The following PMEL variants were observed in gnomAD, a reference collection of about 807,000 sequenced individuals.
The protein encoded by PMEL is premelanosome protein.
PMEL carries 53 observed loss-of-function variants against 64.9 expected under a neutral mutation model. The ratio of observed to expected loss-of-function variants is 0.82; its 90% CI spans 0.66 to 1.03. PMEL has a LOEUF of 1.03. PMEL is among the 50% of genes least tolerant of loss of function. The pLI is 0.00. For missense variants in PMEL, 716 were observed against 814.9 expected (o/e 0.88, Z 1.48); for synonymous variants, 299 against 316.2 (o/e 0.95, Z 0.58).
chr12:55,958,933 C>A (rs903510612), intron 3 of PMEL, among the ~76,000 whole-genome samples: 1 of 152,050 alleles, frequency 6.6e-6, no homozygotes, highest in South Asian at 2.1e-4. Flanking sequence ...AGGTATGCAC[C>A]ACCATACCCA....
In PMEL at chr12:55,957,138, G is replaced by A. The variant is rs1888915458; in HGVS notation, c.1165C>T (p.Leu389=). 4 of 1,614,196 alleles carry A rather than the reference G, an allele frequency of 2.5e-6. No individual in the cohort carries two copies. Among genetic ancestry groups the A allele is most frequent in the Non-Finnish European group, 3.4e-6 (4 of 1,180,010 alleles). The part of the protein sequence containing the change: ...VPVSEVMGTT[L]AEMSTPEATG... The stretch of plus-strand genomic sequence containing the variant: ...GCCTCTGGAGTTGACATCTCTGCCA[G>A]TGTGGTACCCATGACCTCTGAAACT... Residue 389 remains leucine (L), a synonymous_variant, in exon 6 of 11, where the codon CTG becomes TTG. Transcript: ENST00000548747.
At chr12:55,956,897 G>A in intron 6 of PMEL, 52 bp downstream of exon 6, 1 of 1,574,108 alleles carries the variant, frequency 6.4e-7, no homozygotes, top group Non-Finnish European at 8.7e-7. Context: ...GACTTACAGA[G>A]TAGAGTAGGG....
chr12:55,960,376 ATTTTCTT>A (rs768647634), intron 3 of PMEL, among the ~76,000 whole-genome samples: 1 of 151,188 alleles, frequency 6.6e-6, no homozygotes, highest in Non-Finnish European at 1.5e-5. Context: ...AGGGACTGTA[ATTTTCTT>A]TTTTCTTTTT....
At chr12:55,959,101 C>T (rs996337916) in intron 3 of PMEL, among the ~76,000 whole-genome samples, 41 of 151,022 alleles carry the variant, frequency 2.7e-4, no homozygotes, top group Admixed American at 9.9e-4. Context: ...TTTAATTGGC[C>T]AGGTGTGGTG....
At chr12:55,965,487 C>T (rs930419174) in intron 1 of PMEL, among the ~76,000 whole-genome samples, 8 of 150,306 alleles carry the variant, frequency 5.3e-5, no homozygotes, top group African/African-American at 1.2e-4. Flanking sequence ...CTGCCTATCT[C>T]TCCAGCCCCA....
At chr12:55,958,689 T>C (rs1326553270) in intron 3 of PMEL, 82 bp from the exon 4 acceptor site, 18 of 1,369,308 alleles carry the variant, frequency 1.3e-5, no homozygotes, top group Non-Finnish European at 1.8e-5. Flanking sequence ...TCCCAGGGTA[T>C]CAGAGAGGGG....
chr12:55,960,388 CT>C (rs1291627898), intron 3 of PMEL, among the ~76,000 whole-genome samples: 2 of 151,546 alleles, frequency 1.3e-5, no homozygotes, highest in African/African-American at 4.8e-5. Context: ...TTTCTTTTTT[CT>C]TTTTGAGACA....
intron 1 of PMEL, among the ~76,000 whole-genome samples, 159 bp from the exon 2 acceptor site, chr12:55,961,891 C>T (rs372815144): frequency 4.9e-4 from 72 of 147,008 alleles, no homozygotes; most frequent in African/African-American, 1.7e-3. Flanking sequence ...GGCTGGAGTG[C>T]AATGGCATGA....
At position 55,955,542 on chromosome 12, in the gene PMEL, A is replaced by G; in HGVS notation, c.1684T>C (p.Ser562Pro). The change falls in exon 9 of 11, where the codon TCG becomes CCG. Residue 562 changes from serine (S) to proline (P), a missense_variant. Transcript: ENST00000548747. Reference sequence around the variant, plus strand: ...GACACATTGAGGCAGTATGTCCCCGAGCCACCCTTCAGTATCTGGTGCAGA... The same window carrying G: ...GACACATTGAGGCAGTATGTCCCCGGGCCACCCTTCAGTATCTGGTGCAGA... ...LVLHQILKGG[S>P]GTYCLNVSLA... 6.2e-7 allele frequency: 1 copy of G among 1,614,120 alleles called. No individual in the cohort carries two copies. Among genetic ancestry groups the G allele is most frequent in the Non-Finnish European group, 8.5e-7 (1 of 1,180,036 alleles).
In PMEL at chr12:55,957,993, A is replaced by C. The variant is rs762573076; in HGVS notation, c.561T>G (p.Thr187=). The change falls in exon 5 of 11, where the codon ACT becomes ACG. Residue 187 remains threonine, a synonymous_variant. Coordinates refer to ENST00000548747, the MANE Select transcript of PMEL (RefSeq NM_001384361.1). The stretch of plus-strand genomic sequence containing the variant: ...TCCGGGATCCCCGGCGATGGTAGAC[A>C]GTCACTTCCATGGTGTGTGTGCCCA... ...AMLGTHTMEV[T]VYHRRGSRSY... The C allele has an allele frequency of 3.1e-6, 5 of 1,614,240 alleles. No homozygotes were observed.
intron 4 of PMEL, 147 bp downstream of exon 4, chr12:55,958,326 G>A: frequency 1.1e-6 from 1 of 882,054 alleles, no homozygotes; most frequent in Non-Finnish European, 1.7e-6. Context: ...GGGGCTAGGT[G>A]CTAAGAAAGA....
chr12:55,957,115 C>T lies in PMEL; in HGVS notation c.1188G>A (p.Glu396=), dbSNP rs1206291067. The T allele has an allele frequency of 2.5e-6, 4 of 1,614,166 alleles. No homozygotes were observed. The highest frequency in any genetic ancestry group is 1.3e-5 in the African/African-American group (1 of 75,022). ...GTTLAEMSTP[E]ATGMTPAEVS... ...CCTCTGCAGGTGTCATACCTGTAGC[C>T]TCTGGAGTTGACATCTCTGCCAGTG... is the stretch of plus-strand genomic sequence containing the variant. The change falls in exon 6 of 11, where the codon GAG becomes GAA. Residue 396 remains glutamate, a synonymous_variant. Coordinates refer to ENST00000548747, the MANE Select transcript of PMEL (RefSeq NM_001384361.1).
intron 1 of PMEL, among the ~76,000 whole-genome samples, chr12:55,964,729 G>A (rs1000476732): frequency 1.3e-4 from 20 of 151,796 alleles, no homozygotes; most frequent in African/African-American, 4.6e-4. Context: ...AGGTTCAAGC[G>A]ATTCTCATGC....
chr12:55,958,030 C>A lies in PMEL; in HGVS notation c.524G>T (p.Gly175Val). 1 of 1,614,192 alleles carries A rather than the reference C, an allele frequency of 6.2e-7. No individual in the cohort carries two copies. The change falls in exon 5 of 11, where the codon GGC becomes GTC. Residue 175 changes from glycine to valine, a missense_variant. Coordinates refer to ENST00000548747, the MANE Select transcript of PMEL (RefSeq NM_001384361.1). The part of the protein sequence containing the change: ...GPVSGLSIGT[G>V]RAMLGTHTME... The stretch of plus-strand genomic sequence containing the variant: ...GGTGTGTGTGCCCAGCATTGCCCTG[C>A]CTGTCCCAATGCTCAGCCCAGACAC...
At position 55,954,156 on chromosome 12, in the gene PMEL, G is replaced by A; in HGVS notation, c.*58C>T. 1 of 1,509,944 alleles carries A rather than the reference G, an allele frequency of 6.6e-7. No individual in the cohort carries two copies. The highest frequency in any genetic ancestry group is 1.2e-5 in the South Asian group (1 of 81,286). The allele number at this position is 1,509,944 out of a possible 1,614,324, so 93.5% of individuals were successfully genotyped here. On this transcript the variant is annotated 3_prime_UTR_variant, in exon 11 of 11. Coordinates refer to ENST00000548747, the MANE Select transcript of PMEL (RefSeq NM_001384361.1). ...AATAGTAGTCTCCCAGGGAAGACTG[G>A]GGGAAATATAGGTGTTTCTGTCAAC... is the stretch of plus-strand genomic sequence containing the variant.
intron 1 of PMEL, among the ~76,000 whole-genome samples, chr12:55,962,463 A>C (rs1206460852): frequency 1.4e-5 from 2 of 147,044 alleles, no homozygotes; most frequent in African/African-American, 5.1e-5. Flanking sequence ...AAAAAAAAAA[A>C]AAAAAAAACA....
intron 3 of PMEL, among the ~76,000 whole-genome samples, chr12:55,960,839 G>T (rs1467960805): frequency 6.7e-6 from 1 of 149,674 alleles, no homozygotes; most frequent in Non-Finnish European, 1.5e-5. Context: ...GAGCCACCGC[G>T]CCCGGCCTTC....
intron 3 of PMEL, among the ~76,000 whole-genome samples, chr12:55,960,790 G>T (rs1243911121): frequency 6.8e-6 from 1 of 148,030 alleles, no homozygotes; most frequent in Non-Finnish European, 1.5e-5. Flanking sequence ...CTCGTGATCC[G>T]CCCGCCTCGG....
chr12:55,962,359 C>T (rs1889132786), intron 1 of PMEL, among the ~76,000 whole-genome samples: 1 of 140,426 alleles, frequency 7.1e-6, no homozygotes, highest in Non-Finnish European at 1.5e-5. Context: ...AGGAGAATTG[C>T]TTGAACCCGG....
Sources: allele counts gnomAD v4.1 joint callset (sites outside exome capture counted in the v4.1 genomes callset), GRCh38; gene constraint gnomAD v4.1.1; transcripts MANE v1.5; gene names NCBI Gene and HGNC (gene_info 2026-07-23, HGNC 2026-07-21).